ZNF385D: variants seen among roughly 807,000 people sequenced by gnomAD.
ZNF385D encodes the protein zinc finger protein 385D.
In ZNF385D, 15 loss-of-function variants were observed where a neutral mutation model predicts 35.8. The ratio of observed to expected loss-of-function variants is 0.42; its 90% CI spans 0.28 to 0.64. The LOEUF (loss-of-function observed/expected upper bound fraction) is 0.64. ZNF385D is among the 30% of genes least tolerant of loss of function. ZNF385D has a pLI of 0.23. For synonymous variants in ZNF385D, 212 were observed against 186.8 expected, an observed-to-expected ratio of 1.13 and a Z score of -1.10; for missense variants, 474 against 494.6, an observed-to-expected ratio of 0.96 and a Z score of 0.39.
chr3:22,008,360 C>CTTTTTTTTTTTTT (rs67145956), intron 3 of ZNF385D, among the ~76,000 whole-genome samples: 3 of 131,928 alleles, frequency 2.3e-5, no homozygotes, highest in African/African-American at 3.0e-5. Context: ...CCATGATTTT[C>CTTTTTTTTTTTTT]TTTTTTTTTT....
intron 2 of ZNF385D, among the ~76,000 whole-genome samples, chr3:22,339,166 C>T (rs1695310350): frequency 6.6e-6 from 1 of 152,100 alleles, no homozygotes; most frequent in Non-Finnish European, 1.5e-5. Flanking sequence ...ACTACTCCTC[C>T]CTGCTAGTTT....
chr3:21,852,207 T>C (rs2125812058), intron 3 of ZNF385D, among the ~76,000 whole-genome samples: 2 of 152,138 alleles, frequency 1.3e-5, no homozygotes, highest in South Asian at 4.1e-4. Flanking sequence ...GAATTTATTG[T>C]TTCCTAAAGC....
intron 3 of ZNF385D, among the ~76,000 whole-genome samples, chr3:22,035,133 A>C (rs1386420747): frequency 6.6e-6 from 1 of 152,222 alleles, no homozygotes; most frequent in African/African-American, 2.4e-5. Flanking sequence ...CTAGAAAGTG[A>C]ACATAAAATG....
At chr3:22,308,269 A>G (rs889207638) in intron 2 of ZNF385D, among the ~76,000 whole-genome samples, 2 of 152,084 alleles carry the variant, frequency 1.3e-5, no homozygotes, top group Non-Finnish European at 2.9e-5. Context: ...TCTGAGCGGA[A>G]TTTTATATTA....
At chr3:21,555,846 C>T (rs182219135) in intron 3 of ZNF385D, among the ~76,000 whole-genome samples, 2 of 152,240 alleles carry the variant, frequency 1.3e-5, no homozygotes, top group African/African-American at 4.8e-5. Flanking sequence ...AAAAGCATTC[C>T]TATTTCTCTA....
rs548226199 is a variant in ZNF385D at position 21,854,168 on chromosome 3, C to T, written c.326-189140G>A. Among the ~76,000 whole-genome samples the T allele has an allele frequency of 3.0e-3, 450 of 150,952 alleles. 7 individuals carry two copies. Among genetic ancestry groups the T allele is most frequent in the African/African-American group, 0.01 (433 of 41,262 alleles). On this transcript the variant is annotated intron_variant, in intron 3 of 5. Coordinates refer to the ZNF385D transcript ENST00000494108. Reference sequence around the variant, plus strand: ...TGCACAAAAGGGCAGTCTTAACTTTCCTTATCTATTTTTCTATTCTCATCT... The same window carrying T: ...TGCACAAAAGGGCAGTCTTAACTTTTCTTATCTATTTTTCTATTCTCATCT...
At chr3:21,615,305 G>A (rs957575355) in intron 2 of ZNF385D, among the ~76,000 whole-genome samples, 15 of 152,216 alleles carry the variant, frequency 9.9e-5, no homozygotes, top group African/African-American at 3.6e-4. Context: ...TGCCATGATT[G>A]GAAGCTTCCC....
At chr3:21,938,219 C>G (rs1701353476) in intron 3 of ZNF385D, among the ~76,000 whole-genome samples, 1 of 152,134 alleles carries the variant, frequency 6.6e-6, no homozygotes, top group Non-Finnish European at 1.5e-5. Flanking sequence ...GGTTTTGACC[C>G]TATAGTTAAC....
In ZNF385D at chr3:21,490,684, G is replaced by C. The variant is rs538756720; in HGVS notation, c.439+20177C>G. Among the ~76,000 whole-genome samples the C allele has an allele frequency of 2.4e-4, 37 of 152,204 alleles. 1 individual carries two copies. In the South Asian group the frequency reaches 7.5e-3, roughly 31 times the overall value. ...GCCCCAGCTGTGATATGACTGATGT[G>C]AGCCTTTATCAGGTATCATTGTCAA... On this transcript the variant is annotated intron_variant, in intron 4 of 7. Transcript: ENST00000281523.
intron 3 of ZNF385D, among the ~76,000 whole-genome samples, chr3:21,789,205 T>C (rs1575652884): frequency 6.6e-6 from 1 of 152,220 alleles, no homozygotes; most frequent in East Asian, 1.9e-4. Context: ...ATTAAATCTA[T>C]AATATAATTA....
intron 2 of ZNF385D, among the ~76,000 whole-genome samples, chr3:22,204,011 G>C (rs1488840512): frequency 6.6e-6 from 1 of 152,050 alleles, no homozygotes; most frequent in Non-Finnish European, 1.5e-5. Context: ...TCAAGTGGTG[G>C]TTACAGTGCA....
intron 6 of ZNF385D, among the ~76,000 whole-genome samples, chr3:21,424,323 T>TATA (rs1700906373): frequency 4.1e-5 from 2 of 49,152 alleles, no homozygotes; most frequent in African/African-American, 6.2e-5. Flanking sequence ...ATATATTTTT[T>TATA]TTTTTTTTTG....
At chr3:21,609,296 G>A (rs1438590630) in intron 2 of ZNF385D, among the ~76,000 whole-genome samples, 3 of 152,116 alleles carry the variant, frequency 2.0e-5, no homozygotes, top group Non-Finnish European at 2.9e-5. Context: ...AGATAGAATT[G>A]CCATTAATTG....
chr3:21,445,010 G>A (rs1310852282), intron 4 of ZNF385D, among the ~76,000 whole-genome samples: 1 of 152,086 alleles, frequency 6.6e-6, no homozygotes, highest in East Asian at 1.9e-4. Flanking sequence ...CATGAAGGAG[G>A]AAGAAGCAGA....
chr3:22,240,930 G>T (rs1039196058), intron 2 of ZNF385D, among the ~76,000 whole-genome samples: 5 of 150,838 alleles, frequency 3.3e-5, no homozygotes, highest in Admixed American at 6.6e-5. Flanking sequence ...TATCAAAGTG[G>T]AAGTATTAAT....
At chr3:21,754,064 G>A (rs9878994), upstream of ZNF385D, among the ~76,000 whole-genome samples, 2,306 of 152,200 alleles carry the variant, frequency 0.015, 70 homozygotes, top group African/African-American at 0.052. Flanking sequence ...GTATATATGC[G>A]ACATCTTTGT....
chr3:22,022,810 T>A (rs896911431), intron 3 of ZNF385D, among the ~76,000 whole-genome samples: 5 of 152,138 alleles, frequency 3.3e-5, no homozygotes, highest in African/African-American at 1.2e-4. Context: ...TTCTTTCAAA[T>A]AACATATGCA....
rs150294637 is a variant in ZNF385D at position 22,165,234 on chromosome 3, C to A, written c.325+3583G>T. On this transcript the variant is annotated intron_variant, in intron 3 of 5. Coordinates refer to the ZNF385D transcript ENST00000494108. Reference sequence around the variant, plus strand: ...ACTGTTGTGCATGGTGTTGATAGTGCGGAAGGCTGTGTGTGAAGGAGGGGA... The same window carrying A: ...ACTGTTGTGCATGGTGTTGATAGTGAGGAAGGCTGTGTGTGAAGGAGGGGA... 9.7e-4 allele frequency among the ~76,000 whole-genome samples: 147 copies of A among 152,200 alleles called. 1 individual carries two copies. Among genetic ancestry groups the A allele is most frequent in the African/African-American group, 3.4e-3 (141 of 41,514 alleles).
At chr3:21,593,134 T>C (rs1181720013) in intron 2 of ZNF385D, among the ~76,000 whole-genome samples, 3 of 152,136 alleles carry the variant, frequency 2.0e-5, no homozygotes, top group Admixed American at 6.5e-5. Context: ...ATCTTTCTTT[T>C]CTGGTCACTC....
Sources: allele counts gnomAD v4.1 joint callset (sites outside exome capture counted in the v4.1 genomes callset), GRCh38; gene constraint gnomAD v4.1.1; transcripts MANE v1.5; gene names NCBI Gene and HGNC (gene_info 2026-07-23, HGNC 2026-07-21).